SDK1: variants seen among roughly 807,000 people sequenced by gnomAD.
SDK1 encodes protein sidekick-1.
Under a neutral mutation model 245.5 loss-of-function variants are expected in SDK1, and 157 were observed. The observed-to-expected ratio is 0.64, with a 90% CI of 0.56 to 0.73. The LOEUF (loss-of-function observed/expected upper bound fraction) is 0.73, where lower values mean the gene tolerates loss of function less well. Among genes scored for constraint, SDK1 ranks in the 30% least tolerant of loss-of-function variants. The pLI is 0.00. For synonymous variants in SDK1, 1,647 were observed against 1,278.5 expected, an observed-to-expected ratio of 1.29 and a Z score of -6.15; for missense variants, 3,583 against 3,002.3, an observed-to-expected ratio of 1.19 and a Z score of -4.52.
intron 31 of SDK1, 38 bp downstream of exon 31, chr7:4,158,589 T>A (rs1780918223): frequency 6.8e-7 from 1 of 1,474,986 alleles, no homozygotes; most frequent in Admixed American, 1.7e-5. Context: ...TCCTGGCCGC[T>A]GCCCCTGGAG....
At chr7:3,481,206 A>G (rs1781511433) in intron 1 of SDK1, among the ~76,000 whole-genome samples, 1 of 152,204 alleles carries the variant, frequency 6.6e-6, no homozygotes, top group Non-Finnish European at 1.5e-5. Context: ...ATAATCCTTT[A>G]CAGTAGGTAT....
chr7:3,741,753 T>C (rs1779480750), intron 4 of SDK1, among the ~76,000 whole-genome samples: 1 of 152,102 alleles, frequency 6.6e-6, no homozygotes, highest in African/African-American at 2.4e-5. Flanking sequence ...TTGTTTCAGT[T>C]TCACTCCTGT....
chr7:3,667,999 C>A (rs1783588534), intron 4 of SDK1, among the ~76,000 whole-genome samples: 1 of 152,150 alleles, frequency 6.6e-6, no homozygotes, highest in African/African-American at 2.4e-5. Context: ...GTTTATTTAA[C>A]TTTATAAGAA....
intron 1 of SDK1, among the ~76,000 whole-genome samples, chr7:3,313,378 G>T (rs1399726143): frequency 2.0e-5 from 3 of 152,180 alleles, no homozygotes; most frequent in Admixed American, 6.5e-5. Context: ...TTGTATTCCA[G>T]CCTGGCGACG....
At chr7:3,334,700 T>C (rs117422186) in intron 1 of SDK1, among the ~76,000 whole-genome samples, 3,727 of 152,212 alleles carry the variant, frequency 0.024, 60 homozygotes, top group Non-Finnish European at 0.039. Context: ...AATCTTCCCT[T>C]CCTATCCTCA....
intron 5 of SDK1, among the ~76,000 whole-genome samples, chr7:3,866,280 C>T (rs1780819160): frequency 6.6e-6 from 1 of 152,148 alleles, no homozygotes; most frequent in Non-Finnish European, 1.5e-5. Flanking sequence ...AGGCCCCATT[C>T]CAGGCTCAGG....
chr7:4,204,196 T>C (rs961044799), intron 35 of SDK1, among the ~76,000 whole-genome samples: 2 of 152,260 alleles, frequency 1.3e-5, no homozygotes, highest in African/African-American at 2.4e-5. Context: ...AATTTTGCAA[T>C]GGAGTTGCCG....
rs113198525 is a variant in SDK1, at chr7:4,131,934, C to T, written c.4130-391C>T. ...TACCACCTGCTTTGCAGATGTCAAA[C>T]CCAGTAAGGGAATCCGAGCTCAGAT... On this transcript the variant is annotated intron_variant, in intron 27 of 44. Transcript: ENST00000404826. Among the ~76,000 whole-genome samples the T allele has an allele frequency of 7.4e-3, 1,132 of 152,264 alleles. 6 individuals are homozygous for T. Among genetic ancestry groups the T allele is most frequent in the African/African-American group, 0.021 (871 of 41,534 alleles).
At chr7:3,540,448 A>C (rs1779022439) in intron 1 of SDK1, among the ~76,000 whole-genome samples, 1 of 152,146 alleles carries the variant, frequency 6.6e-6, no homozygotes. Flanking sequence ...GGGAACCTTC[A>C]TTTAAGGGGC....
At chr7:3,957,311 G>T (rs1583633288) in intron 7 of SDK1, among the ~76,000 whole-genome samples, 1 of 152,190 alleles carries the variant, frequency 6.6e-6, no homozygotes, top group Non-Finnish European at 1.5e-5. Context: ...ACTGGCAAGA[G>T]CTGGATAAAT....
chr7:3,608,800 C>G (rs769846666), intron 1 of SDK1, among the ~76,000 whole-genome samples: 20 of 152,204 alleles, frequency 1.3e-4, no homozygotes, highest in Non-Finnish European at 2.4e-4. Flanking sequence ...CGCGTTGCAA[C>G]TAACCTTTAT....
chr7:3,391,966 AATATATATAT>A (rs55768106), intron 1 of SDK1, among the ~76,000 whole-genome samples: 18 of 143,974 alleles, frequency 1.3e-4, no homozygotes, highest in African/African-American at 4.8e-4. Context: ...TATATCATGT[AATATATATAT>A]ATATATATAT....
chr7:4,179,474 G>C (rs1355369931), intron 35 of SDK1, among the ~76,000 whole-genome samples: 1 of 152,104 alleles, frequency 6.6e-6, no homozygotes, highest in African/African-American at 2.4e-5. Flanking sequence ...ATTGGGAAGG[G>C]TTATTGTTAT....
rs546927338 is a variant in SDK1, at chr7:3,804,276, G to A, written c.714-17174G>A. Among the ~76,000 whole-genome samples, 514 of 152,240 alleles carry A rather than the reference G, an allele frequency of 3.4e-3. 4 individuals carry two copies. The highest frequency in any genetic ancestry group is 0.012 in the African/African-American group (496 of 41,544). On this transcript the variant is annotated intron_variant, in intron 4 of 44. Transcript: ENST00000404826. ...TATTTTTGTATTCAGTTATATGAGG[G>A]TTTGGCTGAGGTCAGTTTTCTTTTT...
chr7:3,753,816 C>T (rs572295954), intron 4 of SDK1, among the ~76,000 whole-genome samples: 73 of 152,196 alleles, frequency 4.8e-4, no homozygotes, highest in Admixed American at 4.2e-3. Context: ...CATGTTTCCA[C>T]GTAGCTAGAA....
At chr7:4,245,549 A>C in intron 43 of SDK1, 127 bp from the exon 44 acceptor site, 1 of 1,109,408 alleles carries the variant, frequency 9.0e-7, no homozygotes, top group Non-Finnish European at 1.3e-6. Flanking sequence ...CAGTTGCCAA[A>C]GTGATGTCAA....
chr7:3,411,711 A>T (rs1562471039), intron 1 of SDK1, among the ~76,000 whole-genome samples: 1 of 151,116 alleles, frequency 6.6e-6, no homozygotes, highest in African/African-American at 2.4e-5. Flanking sequence ...ACTAATTCTC[A>T]TTTTTTTTTC....
In SDK1 at chr7:4,168,568, T is replaced by C. The variant is rs374736534; in HGVS notation, c.4801-5654T>C. ...CTGCTTAGTTGATAGTTTTGGTGAA[T>C]TGAATCCAGCCTTCGTCACGCCACC... On this transcript the variant is annotated intron_variant, in intron 32 of 44. Coordinates refer to ENST00000404826, the MANE Select transcript of SDK1 (RefSeq NM_152744.4). Among the ~76,000 whole-genome samples the C allele has an allele frequency of 3.3e-5, 5 of 152,190 alleles. No individual in the cohort carries two copies. The East Asian group carries it at 5.8e-4, about 18-fold the overall frequency.
chr7:4,135,255 C>A (rs1778991617), intron 28 of SDK1, among the ~76,000 whole-genome samples: 1 of 152,208 alleles, frequency 6.6e-6, no homozygotes, highest in Admixed American at 6.5e-5. Context: ...GTGATAATGC[C>A]AAGTTTACAT....
Sources: gnomAD v4.1 joint callset for allele counts (sites outside exome capture counted in the v4.1 genomes callset) on GRCh38, gnomAD v4.1.1 for gene constraint, MANE v1.5 for transcripts, NCBI Gene and HGNC (gene_info 2026-07-23, HGNC 2026-07-21) for gene names.